The following MLIP variants were observed in gnomAD, a reference collection of about 807,000 sequenced individuals.
MLIP encodes muscular LMNA-interacting protein.
Under a neutral mutation model 84.8 loss-of-function variants are expected in MLIP, and 79 were observed. The ratio of observed to expected loss-of-function variants is 0.93; its 90% CI spans 0.78 to 1.12. The LOEUF is 1.12. Among genes scored for constraint, MLIP ranks in the 50% most tolerant of loss-of-function variants. The pLI, the probability that MLIP is intolerant of heterozygous loss-of-function variation, is 0.00. For missense variants in MLIP, 1,257 were observed against 1,160.6 expected (o/e 1.08, Z -1.21); for synonymous variants, 504 against 463.0 (o/e 1.09, Z -1.14).
intron 11 of MLIP, among the ~76,000 whole-genome samples, chr6:54,207,219 G>C (rs1191689207): frequency 6.6e-6 from 1 of 151,742 alleles, no homozygotes; most frequent in Non-Finnish European, 1.5e-5. Context: ...TATGAAAGAT[G>C]TAATAGACAA....
intron 1 of MLIP, among the ~76,000 whole-genome samples, chr6:54,026,638 A>G (rs1763817866): frequency 6.6e-6 from 1 of 152,154 alleles, no homozygotes; most frequent in African/African-American, 2.4e-5. Flanking sequence ...GAGAGACTGG[A>G]AAAATGAAAA....
At chr6:54,080,371 C>CCTAAACCTCTCCCATCA (rs1767060880) in intron 1 of MLIP, among the ~76,000 whole-genome samples, 1 of 152,006 alleles carries the variant, frequency 6.6e-6, no homozygotes, top group Non-Finnish European at 1.5e-5. Context: ...ACCCCCCACC[C>CCTAAACCTCTCCCATCA]CAGTTTTAGG....
At chr6:54,214,624 GT>G (rs1416822641) in intron 11 of MLIP, among the ~76,000 whole-genome samples, 2 of 152,140 alleles carry the variant, frequency 1.3e-5, no homozygotes, top group Non-Finnish European at 2.9e-5. Context: ...TTGAAACCCA[GT>G]TTTTTCTCTG....
chr6:54,250,954 A>G lies in MLIP; in HGVS notation c.2923-6354A>G, dbSNP rs1016909631. On this transcript the variant is annotated intron_variant, in intron 12 of 13. Coordinates refer to ENST00000502396, the MANE Select transcript of MLIP (RefSeq NM_001281747.2). ...TTGTGTTTGGACTTATATATTCCTG[A>G]TTATATAATTACTATCTGTCTCTCC... Among the ~76,000 whole-genome samples the G allele has an allele frequency of 3.9e-5, 6 of 151,972 alleles. 1 individual carries two copies. Among genetic ancestry groups the G allele is most frequent in the African/African-American group, 1.4e-4 (6 of 41,398 alleles).
Position 54,171,555 on chromosome 6 carries a change from A to C in MLIP, c.2544+1983A>C, listed in dbSNP as rs931529418. Among the ~76,000 whole-genome samples, 44 of 151,578 alleles carry C rather than the reference A, an allele frequency of 2.9e-4. 2 individuals carry two copies. Among genetic ancestry groups the C allele is most frequent in the Admixed American group, 2.9e-3 (44 of 15,164 alleles). ...TATTTGTACATATTTGGCTGTAGTT[A>C]TTACAATTTACTAAGTGATGTCTGA... On this transcript the variant is annotated intron_variant, in intron 9 of 13. Transcript: ENST00000502396.
chr6:54,112,863 G>A (rs1769587903), intron 1 of MLIP, among the ~76,000 whole-genome samples: 1 of 152,140 alleles, frequency 6.6e-6, no homozygotes, highest in Admixed American at 6.6e-5. Flanking sequence ...TGAAGCATCA[G>A]TTTTCATTCA....
chr6:54,076,273 A>G (rs904808726), intron 1 of MLIP, among the ~76,000 whole-genome samples: 1 of 152,178 alleles, frequency 6.6e-6, no homozygotes, highest in African/African-American at 2.4e-5. Context: ...TAACCTTCCC[A>G]AAGCCACTCC....
intron 1 of MLIP, among the ~76,000 whole-genome samples, chr6:54,090,049 G>T (rs1392765182): frequency 6.6e-6 from 1 of 152,120 alleles, no homozygotes; most frequent in East Asian, 1.9e-4. Flanking sequence ...AAACTAAAAT[G>T]AGTTGCAGGA....
chr6:54,078,135 T>C (rs972280475), intron 1 of MLIP, among the ~76,000 whole-genome samples: 1 of 152,228 alleles, frequency 6.6e-6, no homozygotes, highest in Non-Finnish European at 1.5e-5. Context: ...CTACTGCTTC[T>C]TACTGTCATC....
At chr6:54,181,865 A>G (rs898814574) in intron 9 of MLIP, among the ~76,000 whole-genome samples, 4 of 152,136 alleles carry the variant, frequency 2.6e-5, no homozygotes, top group African/African-American at 9.7e-5. Flanking sequence ...CCAATTGTGG[A>G]TGAGCTGATC....
chr6:54,107,676 C>T (rs1272417916), upstream of MLIP, among the ~76,000 whole-genome samples: 1 of 152,208 alleles, frequency 6.6e-6, no homozygotes, highest in African/African-American at 2.4e-5. Flanking sequence ...TTGTCATCCT[C>T]CTCTGACTTC....
intron 11 of MLIP, among the ~76,000 whole-genome samples, chr6:54,206,208 G>T (rs1779024827): frequency 6.6e-6 from 1 of 152,058 alleles, no homozygotes; most frequent in South Asian, 2.1e-4. Flanking sequence ...TTTCATTGAA[G>T]ATTTTTGGTT....
At chr6:54,076,130 A>G (rs1236026148) in intron 1 of MLIP, among the ~76,000 whole-genome samples, 2 of 152,128 alleles carry the variant, frequency 1.3e-5, no homozygotes, top group Non-Finnish European at 2.9e-5. Flanking sequence ...GAAATGATCA[A>G]ATAATCTCTG....
intron 8 of MLIP, among the ~76,000 whole-genome samples, chr6:54,166,946 T>C (rs1325338405): frequency 6.6e-6 from 1 of 151,954 alleles, no homozygotes; most frequent in Non-Finnish European, 1.5e-5. Context: ...TTTCATTTGC[T>C]CAAGGCCGAA....
At position 54,257,254 on chromosome 6, in the gene MLIP, TA is replaced by T. The variant is rs1271314638; in HGVS notation, c.2923-53del. 1.3e-5 allele frequency: 16 copies of T among 1,276,308 alleles called. No individual in the cohort carries two copies. In the African/African-American group the frequency reaches 2.1e-4, roughly 17 times the overall value. 79.1% of individuals were successfully genotyped at this position (1,276,308 alleles called of 1,614,324 possible). ...TCTGTTTAAATGAAATTTTAACATT[TA>T]TTTTTTTCTCACTTCTACTCCTGAT... is the stretch of plus-strand genomic sequence containing the variant. On this transcript the variant is annotated intron_variant, in intron 12 of 13. Transcript: ENST00000502396.
At chr6:54,050,231 A>G (rs886186796) in intron 1 of MLIP, among the ~76,000 whole-genome samples, 3 of 152,156 alleles carry the variant, frequency 2.0e-5, no homozygotes, top group African/African-American at 7.2e-5. Flanking sequence ...AAAGTAATAC[A>G]TATTTCTGTA....
chr6:54,177,668 A>G (rs1237285901), intron 9 of MLIP, among the ~76,000 whole-genome samples: 1 of 152,184 alleles, frequency 6.6e-6, no homozygotes, highest in Non-Finnish European at 1.5e-5. Flanking sequence ...CAGAAATACC[A>G]TTTCACCCAG....
Position 54,170,586 on chromosome 6 carries a change from G to A in MLIP, c.2544+1014G>A, listed in dbSNP as rs114024850. 7.3e-3 allele frequency among the ~76,000 whole-genome samples: 1,107 copies of A among 151,604 alleles called. 16 individuals are homozygous for A. The highest frequency in any genetic ancestry group is 0.026 in the African/African-American group (1,072 of 41,464). On this transcript the variant is annotated intron_variant, in intron 9 of 13. Transcript: ENST00000502396. ...ATGAAGGCATTAGTAGACTAGACCC[G>A]AGTTTAAAATCACAGTGTTGCTTTT...
At chr6:54,200,819 C>T (rs1272174684) in intron 10 of MLIP, among the ~76,000 whole-genome samples, 1 of 152,116 alleles carries the variant, frequency 6.6e-6, no homozygotes, top group Non-Finnish European at 1.5e-5. Flanking sequence ...TTGTCATATA[C>T]ATGAAAGACC....
Sources: allele counts gnomAD v4.1 joint callset (sites outside exome capture counted in the v4.1 genomes callset), GRCh38; gene constraint gnomAD v4.1.1; transcripts MANE v1.5; gene names NCBI Gene and HGNC (gene_info 2026-07-23, HGNC 2026-07-21).